EGFR: variants seen among roughly 807,000 people sequenced by gnomAD.
EGFR encodes avian erythroblastic leukemia viral (v-erb-b) oncogene homolog.
EGFR carries 58 observed loss-of-function variants against 143.0 expected under a neutral mutation model. That is an observed-to-expected ratio of 0.41 (90% CI 0.33 to 0.50). The LOEUF (loss-of-function observed/expected upper bound fraction) is 0.50. Ranked by LOEUF, EGFR falls within the 20% of genes least tolerant of loss-of-function variation. The pLI is 0.39. For missense variants in EGFR, 1,307 were observed against 1,579.0 expected (o/e 0.83, Z 2.92); for synonymous variants, 613 against 594.4 (o/e 1.03, Z -0.45).
intron 1 of EGFR, among the ~76,000 whole-genome samples, chr7:55,023,106 A>G (rs1472970747): frequency 6.6e-6 from 1 of 152,190 alleles, no homozygotes; most frequent in Admixed American, 6.5e-5. Flanking sequence ...CGGAATAGGG[A>G]TGGGTCACAA....
chr7:55,176,906 AATATATATCTCTCTCTAAATAT>A (rs1380862542), intron 19 of EGFR, among the ~76,000 whole-genome samples: 7 of 147,282 alleles, frequency 4.8e-5, no homozygotes, highest in Admixed American at 2.0e-4. Flanking sequence ...TATATCTCTA[AATATATATCTCTCTCTAAATAT>A]ATATATATCT....
rs912302274 is a variant in EGFR, at chr7:55,193,292, C to T, written c.2701+451C>T. Among the ~76,000 whole-genome samples, 3 of 152,158 alleles carry T rather than the reference C, an allele frequency of 2.0e-5. No individual in the cohort carries two copies. The East Asian group carries it at 5.8e-4, about 29-fold the overall frequency. ...CAGAGAGAACGGCTTGACAAACACA[C>T]ACTGAGGATGTCTGCAGGGATAAAA... On this transcript the variant is annotated intron_variant, in intron 22 of 27. Transcript: ENST00000275493.
intron 1 of EGFR, among the ~76,000 whole-genome samples, chr7:55,077,874 T>A (rs1253956079): frequency 6.6e-6 from 1 of 152,094 alleles, no homozygotes; most frequent in East Asian, 1.9e-4. Flanking sequence ...AGCTGGACAT[T>A]GAACCCTGAG....
Position 55,200,333 on chromosome 7 carries a change from G to T in EGFR, c.2866G>T (p.Asp956Tyr). The change falls in exon 24 of 28, where the codon GAT becomes TAT. Residue 956 changes from aspartate (D) to tyrosine (Y), a missense_variant. Asp to Tyr is a radical substitution (Grantham distance 160). Transcript: ENST00000275493. Reference protein sequence around the residue: ...IMVKCWMIDADSRPKFRELII... With the variant: ...IMVKCWMIDAYSRPKFRELII... ...TTCCCCAGGCTGGATGATAGACGCAGATAGTCGCCCAAAGTTCCGTGAGTT... is the reference window on the plus strand; with the variant it reads ...TTCCCCAGGCTGGATGATAGACGCATATAGTCGCCCAAAGTTCCGTGAGTT... The T allele has an allele frequency of 1.9e-6, 3 of 1,614,148 alleles. No individual in the cohort carries two copies. Among genetic ancestry groups the T allele is most frequent in the Non-Finnish European group, 2.5e-6 (3 of 1,180,040 alleles).
chr7:55,049,666 G>A (rs1053204877), intron 1 of EGFR, among the ~76,000 whole-genome samples: 1 of 152,018 alleles, frequency 6.6e-6, no homozygotes, highest in African/African-American at 2.4e-5. Context: ...TCCACCTGAG[G>A]ACTGCCAGCA....
At position 55,163,779 on chromosome 7, in the gene EGFR, C is replaced by A. The variant is rs748219780; in HGVS notation, c.1678C>A (p.Pro560Thr). ...VENSECIQCHPECLPQAMNIT... is the reference protein window; with the variant it reads ...VENSECIQCHTECLPQAMNIT... The stretch of plus-strand genomic sequence containing the variant: ...GAACTCTGAGTGCATACAGTGCCAC[C>A]CAGAGTGCCTGCCTCAGGCCATGAA... The change falls in exon 14 of 28, where the codon CCA becomes ACA. Residue 560 changes from proline to threonine, a missense_variant. Pro to Thr is a conservative substitution (Grantham distance 38). Transcript: ENST00000275493. 8 of 1,614,080 alleles carry A rather than the reference C, an allele frequency of 5.0e-6. No individual in the cohort carries two copies. The highest frequency in any genetic ancestry group is 2.2e-5 in the South Asian group (2 of 91,088).
chr7:55,119,962 A>T (rs979420535), intron 1 of EGFR, among the ~76,000 whole-genome samples: 8 of 152,236 alleles, frequency 5.3e-5, no homozygotes, highest in African/African-American at 1.2e-4. Context: ...TCCTATGTCC[A>T]TGAGAGTTTG....
chr7:55,163,324 A>G (rs1052001680), intron 13 of EGFR, among the ~76,000 whole-genome samples: 13 of 152,158 alleles, frequency 8.5e-5, no homozygotes, highest in African/African-American at 3.1e-4. Context: ...TTTAGTAATA[A>G]CCATTGAGCG....
Position 55,146,613 on chromosome 7 carries a change from G to A in EGFR, c.432G>A (p.Leu144=), listed in dbSNP as rs986491958. Residue 144 remains leucine (L), a synonymous_variant, in exon 4 of 28, where the codon CTG becomes CTA. Coordinates refer to ENST00000275493, the MANE Select transcript of EGFR (RefSeq NM_005228.5). ...AGTTCCATTCTCCCGCAGAAATCCT[G>A]CATGGCGCCGTGCGGTTCAGCAACA... ...ELPMRNLQEI[L]HGAVRFSNNP... The A allele has an allele frequency of 3.7e-6, 6 of 1,614,098 alleles. No individual in the cohort carries two copies. The highest frequency in any genetic ancestry group is 5.1e-6 in the Non-Finnish European group (6 of 1,180,020).
At chr7:55,150,145 AT>A (rs1278456998) in intron 4 of EGFR, among the ~76,000 whole-genome samples, 1 of 152,200 alleles carries the variant, frequency 6.6e-6, no homozygotes, top group African/African-American at 2.4e-5. Flanking sequence ...TCTTTTAAAT[AT>A]TTTTATTTTA....
chr7:55,078,238 C>G (rs1790242236), intron 1 of EGFR, among the ~76,000 whole-genome samples: 1 of 152,040 alleles, frequency 6.6e-6, no homozygotes, highest in African/African-American at 2.4e-5. Context: ...GGGACAGGCC[C>G]TGGGCCCCGC....
Position 55,063,313 on chromosome 7 carries a change from T to C in EGFR, c.88+43948T>C, listed in dbSNP as rs967155022. Among the ~76,000 whole-genome samples, 16 of 152,294 alleles carry C rather than the reference T, an allele frequency of 1.1e-4. No homozygotes were observed. In the East Asian group the frequency reaches 1.2e-3, roughly 11 times the overall value. ...TTGATCTCGTTTGAATCCTCTTCCC[T>C]GGTGAAGTCATTTAGGTTCAGGCTC... On this transcript the variant is annotated intron_variant, in intron 1 of 27. Transcript: ENST00000275493.
intron 7 of EGFR, among the ~76,000 whole-genome samples, chr7:55,154,797 A>C (rs1329855738): frequency 6.6e-6 from 1 of 152,204 alleles, no homozygotes; most frequent in Non-Finnish European, 1.5e-5. Context: ...AGAGTTTTAG[A>C]AGCCACTCTT....
chr7:55,090,950 G>A (rs2128894738), intron 1 of EGFR, among the ~76,000 whole-genome samples: 1 of 152,296 alleles, frequency 6.6e-6, no homozygotes, highest in South Asian at 2.1e-4. Flanking sequence ...TTGTATATGA[G>A]ATTGTTATTA....
chr7:55,099,438 C>T (rs1340612936), intron 1 of EGFR, among the ~76,000 whole-genome samples: 2 of 152,208 alleles, frequency 1.3e-5, no homozygotes, highest in Non-Finnish European at 2.9e-5. Flanking sequence ...GGTGCAAGCC[C>T]TGATGAGGAC....
Position 55,048,940 on chromosome 7 carries a change from C to T in EGFR, c.88+29575C>T, listed in dbSNP as rs142415429. Among the ~76,000 whole-genome samples, 11 of 152,268 alleles carry T rather than the reference C, an allele frequency of 7.2e-5. No individual in the cohort carries two copies. The East Asian group carries it at 2.1e-3, about 29-fold the overall frequency. On this transcript the variant is annotated intron_variant, in intron 1 of 27. Transcript: ENST00000275493. ...AGAGCCCAACTAGCTCAGTTCTCAG[C>T]ATGAAAATAGTCATATGGCACAGAC...
intron 1 of EGFR, among the ~76,000 whole-genome samples, chr7:55,027,991 A>AATATATATATATATAT (rs374300539): frequency 5.5e-5 from 3 of 54,992 alleles, no homozygotes; most frequent in East Asian, 8.4e-4. Context: ...AAAAAAAAAA[A>AATATATATATATATAT]ATATATATAT....
intron 1 of EGFR, among the ~76,000 whole-genome samples, chr7:55,133,254 C>A (rs538759937): frequency 6.6e-6 from 1 of 152,306 alleles, no homozygotes; most frequent in Admixed American, 6.5e-5. Flanking sequence ...CCCTGGCAGG[C>A]AGCACTGAGC....
intron 1 of EGFR, among the ~76,000 whole-genome samples, chr7:55,137,803 A>G (rs1377496496): frequency 6.6e-6 from 1 of 152,230 alleles, no homozygotes; most frequent in Non-Finnish European, 1.5e-5. Context: ...GGATCAGGAC[A>G]GCAGTTGCCT....
Sources: allele counts gnomAD v4.1 joint callset (sites outside exome capture counted in the v4.1 genomes callset), GRCh38; gene constraint gnomAD v4.1.1; transcripts MANE v1.5; gene names NCBI Gene and HGNC (gene_info 2026-07-23, HGNC 2026-07-21).